Variants in EVC observed in about 807,000 individuals in gnomAD.
EVC encodes the protein EvC ciliary complex subunit 1, also known as evC complex member EVC.
Under a neutral mutation model 118.9 loss-of-function variants are expected in EVC, and 116 were observed. The observed-to-expected ratio is 0.98, with a 90% CI of 0.84 to 1.14. EVC has a LOEUF of 1.14. Among genes scored for constraint, EVC ranks in the 50% most tolerant of loss-of-function variants. EVC has a pLI of 0.00. For missense variants in EVC, 1,401 were observed against 1,246.4 expected (o/e 1.12, Z -1.87); for synonymous variants, 619 against 534.7 (o/e 1.16, Z -2.18).
chr4:5,825,781 C>T, the EVC span: 8 of 896,010 alleles, frequency 8.9e-6, no homozygotes, highest in Non-Finnish European at 1.7e-6. This position sits in a 1 kb window ranked among gnomAD's most constrained non-coding sequence, Gnocchi z 4.4. Context: ...TGCATGCACA[C>T]ACACACACAA....
At chr4:5,809,813 C>A (rs910039044) in intron 19 of EVC, among the ~76,000 whole-genome samples, 4 of 152,110 alleles carry the variant, frequency 2.6e-5, no homozygotes, top group African/African-American at 9.7e-5. Flanking sequence ...TTTGATAATT[C>A]CAGTTCTTGG....
chr4:5,774,250 C>A (rs956314611), intron 11 of EVC, among the ~76,000 whole-genome samples: 1 of 151,574 alleles, frequency 6.6e-6, no homozygotes, highest in Non-Finnish European at 1.5e-5. Flanking sequence ...TTGCAAACAA[C>A]TGAAACAAAA....
At chr4:5,753,567 G>A (rs1730720288) in intron 9 of EVC, among the ~76,000 whole-genome samples, 2 of 152,150 alleles carry the variant, frequency 1.3e-5, no homozygotes, top group South Asian at 4.1e-4. Flanking sequence ...GGGTGGGGGT[G>A]GGGCAAGGCT....
chr4:5,808,081 C>T, intron 17 of EVC, 120 bp from the exon 18 acceptor site: 1 of 827,680 alleles, frequency 1.2e-6, no homozygotes, highest in Non-Finnish European at 1.9e-6. Context: ...CCCCCGATGG[C>T]CAGGCCCCTC....
At chr4:5,819,139 G>A (rs931526263), downstream of EVC, among the ~76,000 whole-genome samples, 1 of 152,184 alleles carries the variant, frequency 6.6e-6, no homozygotes, top group Non-Finnish European at 1.5e-5. Flanking sequence ...TGTACATAAA[G>A]ATTATTGAGA....
intron 11 of EVC, among the ~76,000 whole-genome samples, chr4:5,762,415 C>A (rs1577478145): frequency 7.6e-6 from 1 of 132,056 alleles, no homozygotes; most frequent in East Asian, 2.3e-4. Context: ...GGGTATATAC[C>A]CAGTAATGGG....
Position 5,746,717 on chromosome 4 carries a change from A to G in EVC, c.939+1376A>G, listed in dbSNP as rs146850469. ...TTCAGAATTTTCATAAGATTCTCCA[A>G]AGTATTGGTGACCTCCAAAAATGGT... is the stretch of plus-strand genomic sequence containing the variant. On this transcript the variant is annotated intron_variant, in intron 7 of 20. Transcript: ENST00000264956. The surrounding 1 kb of genome is among the most constrained non-coding windows in gnomAD (Gnocchi z 5.8). Among the ~76,000 whole-genome samples the G allele has an allele frequency of 5.9e-5, 9 of 152,272 alleles. No homozygotes were observed. Among genetic ancestry groups the G allele is most frequent in the Non-Finnish European group, 1.3e-4 (9 of 68,032 alleles).
rs1167536986 is a variant in EVC, at chr4:5,748,565, TATCCATCCATCCATCCACCC to T, written c.1098+289_1098+308del. On this transcript the variant is annotated intron_variant, in intron 8 of 20. Transcript: ENST00000264956. ...CCATCCATCTGCCCTCCCACCCATTTATCCATCCATCCATCCACCCATCCATCCATCCATCCACCCATCCA... is the reference window on the plus strand; with the variant it reads ...CCATCCATCTGCCCTCCCACCCATTTATCCATCCATCCATCCACCCATCCA... 2.2e-5 allele frequency among the ~76,000 whole-genome samples: 2 copies of T among 90,620 alleles called. 1 individual carries two copies. The highest frequency in any genetic ancestry group is 4.5e-5 in the Non-Finnish European group (2 of 44,804). 59.5% of individuals were successfully genotyped at this position (90,620 alleles called of 152,430 possible).
Position 5,741,761 on chromosome 4 carries a change from A to G in EVC, c.748A>G (p.Lys250Glu). 9 of 1,573,918 alleles carry G rather than the reference A, an allele frequency of 5.7e-6. No individual in the cohort carries two copies. The highest frequency in any genetic ancestry group is 7.9e-6 in the Non-Finnish European group (9 of 1,144,998). ...AATGTGCCTCCTTGACCTTCTTCCT[A>G]AAAAGAAGTCAGATGATGAACTATA... ...FKMCLLDLLP[K>E]KKSDDELYQK... The change falls in exon 6 of 21, where the codon AAA becomes GAA. Residue 250 changes from lysine to glutamate, a missense_variant. By Grantham distance (56) the Lys-to-Glu change is moderately conservative. Transcript: ENST00000264956.
chr4:5,808,037 G>A (rs1254753905), intron 17 of EVC, among the ~76,000 whole-genome samples, 164 bp from the exon 18 acceptor site: 1 of 151,984 alleles, frequency 6.6e-6, no homozygotes, highest in Non-Finnish European at 1.5e-5. Context: ...CAGCCTGCCT[G>A]TGGGGACTGG....
chr4:5,799,639 G>C (rs1375712083), intron 15 of EVC, among the ~76,000 whole-genome samples: 3 of 152,172 alleles, frequency 2.0e-5, no homozygotes, highest in Non-Finnish European at 2.9e-5. Flanking sequence ...CTGTGGCTGG[G>C]AGACAGCAGC....
At chr4:5,825,484 T>C in the EVC span, 2 of 1,560,336 alleles carry the variant, frequency 1.3e-6, no homozygotes, top group South Asian at 1.2e-5. This position sits in a 1 kb window ranked among gnomAD's most constrained non-coding sequence, Gnocchi z 4.4. Flanking sequence ...GGGCCACCAC[T>C]CTTTCCTACC....
chr4:5,762,290 C>T (rs991567202), intron 11 of EVC, among the ~76,000 whole-genome samples: 3 of 135,766 alleles, frequency 2.2e-5, no homozygotes, highest in South Asian at 2.7e-4. Context: ...TTTTCTTAAT[C>T]CAGTCTATCA....
intron 2 of EVC, among the ~76,000 whole-genome samples, chr4:5,726,484 G>A (rs1214216910): frequency 6.6e-6 from 1 of 152,078 alleles, no homozygotes; most frequent in Non-Finnish European, 1.5e-5. Flanking sequence ...TAATGAGTCA[G>A]GGGAGGTGAT....
the EVC span, chr4:5,825,150 C>T: frequency 1.0e-6 from 1 of 985,404 alleles, no homozygotes; most frequent in African/African-American, 1.7e-5. This position sits in a 1 kb window ranked among gnomAD's most constrained non-coding sequence, Gnocchi z 4.4. Context: ...CTACTCCCAT[C>T]TCTTGTTCAT....
At chr4:5,727,455 G>A (rs1726047569) in intron 2 of EVC, among the ~76,000 whole-genome samples, 1 of 152,110 alleles carries the variant, frequency 6.6e-6, no homozygotes, top group Admixed American at 6.5e-5. Flanking sequence ...TGAGTTCATT[G>A]TAGATTCTGG....
At chr4:5,733,928 A>G (rs1197134359) in intron 5 of EVC, among the ~76,000 whole-genome samples, 1 of 152,092 alleles carries the variant, frequency 6.6e-6, no homozygotes, top group Non-Finnish European at 1.5e-5. Flanking sequence ...GATTTACCCA[A>G]AGTTATAAAG....
rs181825598 is a variant in EVC at position 5,776,709 on chromosome 4, G to C, written c.1564-6843G>C. ...ATTTTCCATCCTTTAGTCTCTCCTT[G>C]CTTTGTTCTGCTAGTTTCTTCTGAT... On this transcript the variant is annotated intron_variant, in intron 11 of 20. Transcript: ENST00000264956. Among the ~76,000 whole-genome samples, 100 of 152,070 alleles carry C rather than the reference G, an allele frequency of 6.6e-4. 1 individual carries two copies. Among genetic ancestry groups the C allele is most frequent in the Non-Finnish European group, 1.6e-4 (11 of 68,000 alleles).
At chr4:5,827,440 G>A in the EVC span, among the ~76,000 whole-genome samples, 1 of 152,168 alleles carries the variant, frequency 6.6e-6, no homozygotes, top group Admixed American at 6.5e-5. Flanking sequence ...ATGGAAGCTG[G>A]GGAGAGACCA....
Sources: allele counts gnomAD v4.1 joint callset (sites outside exome capture counted in the v4.1 genomes callset), GRCh38; gene constraint gnomAD v4.1.1; non-coding constraint Gnocchi (gnomAD v3.1); transcripts MANE v1.5; gene names NCBI Gene and HGNC (gene_info 2026-07-23, HGNC 2026-07-21).